The following NOSIP variants were observed in gnomAD, a reference collection of about 807,000 sequenced individuals.
NOSIP encodes the protein nitric oxide synthase-interacting protein.
NOSIP carries 25 observed loss-of-function variants against 36.4 expected under a neutral mutation model. That is an observed-to-expected ratio of 0.69 (90% CI 0.50 to 0.96). The LOEUF is 0.96. Ranked by LOEUF, NOSIP falls within the 40% of genes least tolerant of loss-of-function variation. The pLI, the probability that NOSIP is intolerant of heterozygous loss-of-function variation, is 0.00. For synonymous variants in NOSIP, 187 were observed against 179.2 expected, an observed-to-expected ratio of 1.04 and a Z score of -0.35; for missense variants, 370 against 429.0, an observed-to-expected ratio of 0.86 and a Z score of 1.21.
chr19:49,578,379 C>T (rs2080580724), intron 1 of NOSIP, among the ~76,000 whole-genome samples: 1 of 152,172 alleles, frequency 6.6e-6, no homozygotes, highest in Non-Finnish European at 1.5e-5. Context: ...CTGCCTTCAC[C>T]TCCCAAAGTG....
intron 1 of NOSIP, among the ~76,000 whole-genome samples, chr19:49,563,045 A>G (rs2080356435): frequency 1.3e-5 from 2 of 152,212 alleles, no homozygotes; most frequent in African/African-American, 4.8e-5. Flanking sequence ...ATAATTTGAG[A>G]CCATTTGAAA....
chr19:49,559,019 C>A, intron 3 of NOSIP, 41 bp from the exon 4 acceptor site: 1 of 1,535,348 alleles, frequency 6.5e-7, no homozygotes, highest in Non-Finnish European at 9.0e-7. Context: ...GAAAGTGATC[C>A]TCCCGCCTCG....
chr19:49,566,794 C>CATATATATATATATATATATATATAT (rs147738108), intron 1 of NOSIP: 2 of 142,928 alleles, frequency 1.4e-5, no homozygotes, highest in African/African-American at 5.4e-5. Context: ...CATATACATA[C>CATATATATATATATATATATATATAT]ATATATATAT....
At chr19:49,561,023 G>A (rs1432704704) in intron 1 of NOSIP, among the ~76,000 whole-genome samples, 2 of 151,778 alleles carry the variant, frequency 1.3e-5, no homozygotes, top group Admixed American at 1.3e-4. Flanking sequence ...TTAATGGAGG[G>A]GAAAAAAAAA....
intron 1 of NOSIP, among the ~76,000 whole-genome samples, chr19:49,576,759 C>A (rs1163090024): frequency 1.3e-5 from 2 of 151,756 alleles, no homozygotes; most frequent in East Asian, 3.9e-4. Context: ...TGGTGCATAC[C>A]TGTAATCCCA....
Position 49,555,766 on chromosome 19 carries a change from C to G in NOSIP, c.891G>C (p.Pro297=), listed in dbSNP as rs151233389. The G allele has an allele frequency of 8.2e-5, 133 of 1,613,440 alleles. 1 individual carries two copies. The African/African-American group carries it at 1.7e-3, about 20-fold the overall frequency. ...GVKLQAEKSR[P]VMQA Reference sequence around the variant, plus strand: ...CCGCACACACTCAGGCCTGCATCACCGGCCGTGATTTCTCCGCTTGCAGCT... The same window carrying G: ...CCGCACACACTCAGGCCTGCATCACGGGCCGTGATTTCTCCGCTTGCAGCT... Residue 297 remains proline, a synonymous_variant, in exon 9 of 9, where the codon CCG becomes CCC. Transcript: ENST00000596358.
At position 49,576,580 on chromosome 19, in the gene NOSIP, G is replaced by A. The variant is rs113671571; in HGVS notation, c.-2+3935C>T. ...AGACTGAGTGACAGAGTGAGACCTT[G>A]TCTCTGGGGAAAAAAAAAAAAATGC... On this transcript the variant is annotated intron_variant, in intron 1 of 8. Transcript: ENST00000596358. 7.8e-3 allele frequency among the ~76,000 whole-genome samples: 1,174 copies of A among 150,078 alleles called. 7 individuals carry two copies. The highest frequency in any genetic ancestry group is 0.013 in the Non-Finnish European group (893 of 67,656).
At chr19:49,558,420 T>C (rs2080286389) in intron 4 of NOSIP, 1 of 152,188 alleles carries the variant, frequency 6.6e-6, no homozygotes, top group Non-Finnish European at 1.5e-5. Context: ...TCAATTTTTT[T>C]TTTTATTTTT....
intron 1 of NOSIP, among the ~76,000 whole-genome samples, chr19:49,565,486 C>G (rs968430949): frequency 6.6e-6 from 1 of 152,002 alleles, no homozygotes; most frequent in Non-Finnish European, 1.5e-5. Flanking sequence ...CCATGGTGCA[C>G]GCCTGTAATC....
intron 1 of NOSIP, among the ~76,000 whole-genome samples, chr19:49,565,142 G>T (rs557181130): frequency 6.6e-6 from 1 of 152,134 alleles, no homozygotes; most frequent in Non-Finnish European, 1.5e-5. Flanking sequence ...TGGGCATGGT[G>T]GTGCATGCCT....
At chr19:49,557,481 G>A (rs1163741236) in intron 4 of NOSIP, 5 of 1,365,142 alleles carry the variant, frequency 3.7e-6, no homozygotes, top group Non-Finnish European at 4.8e-6. Flanking sequence ...TGAGCACTAT[G>A]ACCTCTCCTG....
At chr19:49,555,874 G>T in intron 8 of NOSIP, 52 bp from the exon 9 acceptor site, 2 of 1,369,496 alleles carry the variant, frequency 1.5e-6, no homozygotes, top group African/African-American at 2.9e-5. Flanking sequence ...GGGGTGACCA[G>T]TGGGGCTCCA....
At position 49,557,169 on chromosome 19, in the gene NOSIP, G is replaced by GCC; in HGVS notation, c.337_338dup (p.Phe114AlafsTer10). On this transcript the variant is annotated frameshift_variant, in exon 5 of 9. Transcript: ENST00000596358. LOFTEE classifies it high-confidence loss of function. ...CGATAGCCGACTCCTTCTCCAGGAA[G>GCC]CCCCGCACATGGTCCTGCGAGGCCG... 6.2e-7 allele frequency: 1 copy of GCC among 1,611,656 alleles called. No homozygotes were observed. The highest frequency in any genetic ancestry group is 1.1e-5 in the South Asian group (1 of 90,456).
chr19:49,557,393 G>C (rs561416894), intron 4 of NOSIP, 144 bp from the exon 5 acceptor site: 1 of 1,443,138 alleles, frequency 6.9e-7, no homozygotes, highest in East Asian at 2.5e-5. Flanking sequence ...TGCCACCCTG[G>C]GTGGGTGTGA....
At chr19:49,578,093 G>A (rs1599768971) in intron 1 of NOSIP, among the ~76,000 whole-genome samples, 1 of 151,982 alleles carries the variant, frequency 6.6e-6, no homozygotes, top group African/African-American at 2.4e-5. Flanking sequence ...TTTTCAATGG[G>A]TGAACTATAT....
chr19:49,556,661 G>A lies in NOSIP; in HGVS notation c.613C>T (p.Leu205=). 6.2e-7 allele frequency: 1 copy of A among 1,611,802 alleles called. No homozygotes were observed. Among genetic ancestry groups the A allele is most frequent in the Non-Finnish European group, 8.5e-7 (1 of 1,179,554 alleles). ...SDLTPVHFTP[L]DSSVDRVGLI... is the part of the protein sequence containing the mutation. ...CCCACGCGGTCCACGGAGCTGTCTA[G>A]CGGTGTGAAGTGCACGGGCGTCAGG... Residue 205 remains leucine, a synonymous_variant, in exon 7 of 9, where the codon CTA becomes TTA. Coordinates refer to ENST00000596358, the MANE Select transcript of NOSIP (RefSeq NM_001270960.2).
intron 1 of NOSIP, among the ~76,000 whole-genome samples, chr19:49,565,750 C>A (rs1419794755): frequency 6.8e-6 from 1 of 147,344 alleles, no homozygotes; most frequent in Non-Finnish European, 1.5e-5. Flanking sequence ...AGAGTGAGAA[C>A]CTGTCTCAAA....
Position 49,560,115 on chromosome 19 carries a change from A to C in NOSIP, c.71-76T>G. ...TGTCCGTCTCCAAAGCCCCAGAGAG[A>C]GGCACAGAGACAACGCGGTGGTGGG... On this transcript the variant is annotated intron_variant, in intron 2 of 8. Transcript: ENST00000596358. This position sits in a 1 kb window ranked among gnomAD's most constrained non-coding sequence, Gnocchi z 4.6. 1 of 961,316 alleles carries C rather than the reference A, an allele frequency of 1.0e-6. No individual in the cohort carries two copies. The highest frequency in any genetic ancestry group is 1.6e-6 in the Non-Finnish European group (1 of 627,006). The allele number at this position is 961,316 out of a possible 1,614,324, so 59.5% of individuals were successfully genotyped here. A position where few individuals can be genotyped will look rare whatever the true frequency, so the allele number is the denominator to read the frequency against.
rs1227345122 is a variant in NOSIP at position 49,574,108 on chromosome 19, T to G, written c.-2+6407A>C. On this transcript the variant is annotated intron_variant, in intron 1 of 8. Transcript: ENST00000596358. Reference sequence around the variant, plus strand: ...GAACTCCTGACCTCAGGTGATCTACTACCTCGGCCTCCCAAAGTGCTGGGA... The same window carrying G: ...GAACTCCTGACCTCAGGTGATCTACGACCTCGGCCTCCCAAAGTGCTGGGA... Among the ~76,000 whole-genome samples, 6 of 152,028 alleles carry G rather than the reference T, an allele frequency of 3.9e-5. No homozygotes were observed. In the East Asian group the frequency reaches 7.7e-4, roughly 20 times the overall value.
Sources: gnomAD v4.1 joint callset for allele counts (sites outside exome capture counted in the v4.1 genomes callset) on GRCh38, gnomAD v4.1.1 for gene constraint, Gnocchi (gnomAD v3.1) non-coding constraint, MANE v1.5 for transcripts, NCBI Gene and HGNC (gene_info 2026-07-23, HGNC 2026-07-21) for gene names.